Variants in EXOC2 observed in about 807,000 individuals in gnomAD.
EXOC2 encodes SEC5-like 1.
In EXOC2, 70 loss-of-function variants were observed where a neutral mutation model predicts 131.8. The observed-to-expected ratio is 0.53, with a 90% confidence interval of 0.44 to 0.65. EXOC2 has a LOEUF of 0.65. Among genes scored for constraint, EXOC2 ranks in the 30% least tolerant of loss-of-function variants. The pLI, the probability that EXOC2 is intolerant of heterozygous loss-of-function variation, is 0.00. For synonymous variants in EXOC2, 411 were observed against 398.4 expected, an observed-to-expected ratio of 1.03 and a Z score of -0.38; for missense variants, 923 against 1,108.6, an observed-to-expected ratio of 0.83 and a Z score of 2.38.
chr6:633,935 C>G (rs1025839070), intron 2 of EXOC2, among the ~76,000 whole-genome samples: 3 of 152,162 alleles, frequency 2.0e-5, no homozygotes, highest in African/African-American at 7.2e-5. Context: ...CAGCATGGCA[C>G]CACACTGGTC....
chr6:529,028 G>C (rs1225388192), intron 23 of EXOC2, among the ~76,000 whole-genome samples: 1 of 152,284 alleles, frequency 6.6e-6, no homozygotes, highest in Non-Finnish European at 1.5e-5. Context: ...GATAAATCCA[G>C]TGAGGACTTT....
intron 23 of EXOC2, among the ~76,000 whole-genome samples, chr6:522,633 A>G (rs914890743): frequency 4.7e-5 from 7 of 149,876 alleles, no homozygotes; most frequent in African/African-American, 1.7e-4. Context: ...TGGTGCAGCA[A>G]GGTGTCTCCA....
At chr6:682,168 T>C (rs1352109232) in intron 1 of EXOC2, among the ~76,000 whole-genome samples, 4 of 151,558 alleles carry the variant, frequency 2.6e-5, no homozygotes, top group Non-Finnish European at 5.9e-5. Context: ...CCTTGACCAT[T>C]CCGCAGTTCC....
chr6:512,890 C>T (rs891473548), intron 23 of EXOC2, among the ~76,000 whole-genome samples: 3 of 152,150 alleles, frequency 2.0e-5, no homozygotes, highest in African/African-American at 4.8e-5. Flanking sequence ...TATGTGAAAG[C>T]AGTAAGTAAA....
Position 619,525 on chromosome 6 carries a change from C to T in EXOC2, c.441G>A (p.Lys147=). Residue 147 remains lysine, a synonymous_variant, in exon 5 of 28, where the codon AAG becomes AAA. Coordinates refer to ENST00000230449, the MANE Select transcript of EXOC2 (RefSeq NM_018303.6). ...TTCCATGGAATAGCATTTCTAAGTC[C>T]TTCTGCGAAAATTTACTTCTGAGGG... is the stretch of plus-strand genomic sequence containing the variant. ...IEIEKSKFSQ[K]DLEMLFHGMS... is the part of the protein sequence containing the mutation. 1.2e-6 allele frequency: 2 copies of T among 1,613,660 alleles called. No individual in the cohort carries two copies. Among genetic ancestry groups the T allele is most frequent in the South Asian group, 1.1e-5 (1 of 91,012 alleles).
chr6:574,138 A>G (rs1252304665), intron 12 of EXOC2, among the ~76,000 whole-genome samples: 1 of 152,218 alleles, frequency 6.6e-6, no homozygotes, highest in African/African-American at 2.4e-5. Context: ...TCCAATGGAC[A>G]AGACTGTCTT....
intron 6 of EXOC2, among the ~76,000 whole-genome samples, chr6:615,182 GGTGTGTGTGT>G (rs201428433): frequency 5.0e-5 from 6 of 121,032 alleles, no homozygotes; most frequent in Non-Finnish European, 9.9e-5. Flanking sequence ...TGTGGGTGTG[GGTGTGTGTGT>G]GTGTGTGTGT....
chr6:641,879 C>CAG (rs34436512), intron 1 of EXOC2, among the ~76,000 whole-genome samples: 107,488 of 151,798 alleles, frequency 0.71, 38,689 homozygotes, highest in Middle Eastern at 0.88. Flanking sequence ...CAGCAAATGC[C>CAG]AGTTAGTTCT....
chr6:665,447 G>A lies in EXOC2; in HGVS notation c.-44+27572C>T, dbSNP rs1000184071. Among the ~76,000 whole-genome samples the A allele has an allele frequency of 4.6e-5, 7 of 152,154 alleles. No homozygotes were observed. The East Asian group carries it at 1.3e-3, about 29-fold the overall frequency. On this transcript the variant is annotated intron_variant, in intron 1 of 27. Transcript: ENST00000230449. ...CCCACTACTGGGTATCTACCCAGAA[G>A]AAAATAACTGAATATTCAAAAAAGA...
chr6:603,250 T>C lies in EXOC2; in HGVS notation c.743-4025A>G, dbSNP rs146915861. On this transcript the variant is annotated intron_variant, in intron 7 of 27. Coordinates refer to ENST00000230449, the MANE Select transcript of EXOC2 (RefSeq NM_018303.6). ...TTGAATGAGATTAGGAAGTGAAACATTAGGGTGCCTGGAATATCAGAGTAA... is the reference window on the plus strand; with the variant it reads ...TTGAATGAGATTAGGAAGTGAAACACTAGGGTGCCTGGAATATCAGAGTAA... Among the ~76,000 whole-genome samples, 1,263 of 152,244 alleles carry C rather than the reference T, an allele frequency of 8.3e-3. 22 individuals are homozygous for C. The highest frequency in any genetic ancestry group is 0.029 in the African/African-American group (1,196 of 41,534).
chr6:491,218 G>C, intron 25 of EXOC2, 32 bp from the exon 26 acceptor site: 1 of 1,608,898 alleles, frequency 6.2e-7, no homozygotes, highest in Non-Finnish European at 8.5e-7. Context: ...AGTGACAACA[G>C]GAAAATTTAT....
At chr6:612,294 G>A (rs911189058) in intron 6 of EXOC2, among the ~76,000 whole-genome samples, 3 of 152,086 alleles carry the variant, frequency 2.0e-5, no homozygotes, top group African/African-American at 4.8e-5. Flanking sequence ...CTTAGCTCCC[G>A]GCCTGTACAA....
At chr6:669,261 A>G (rs1763755602) in intron 1 of EXOC2, 1 of 152,334 alleles carries the variant, frequency 6.6e-6, no homozygotes, top group African/African-American at 2.4e-5. Context: ...GGATGAAGAT[A>G]AGGAACCTCC....
chr6:657,542 T>A (rs1763191421), intron 1 of EXOC2, among the ~76,000 whole-genome samples: 1 of 152,232 alleles, frequency 6.6e-6, no homozygotes, highest in Non-Finnish European at 1.5e-5. Context: ...TCCAATTTTT[T>A]GCTATTATGA....
intron 1 of EXOC2, among the ~76,000 whole-genome samples, chr6:675,873 C>T (rs28750197): frequency 8.2e-3 from 256 of 31,080 alleles, no homozygotes; most frequent in East Asian, 0.033. Flanking sequence ...GACTGCGGTT[C>T]CCCATACTCT....
chr6:634,082 T>C (rs1761985407), intron 2 of EXOC2, among the ~76,000 whole-genome samples: 1 of 135,886 alleles, frequency 7.4e-6, no homozygotes, highest in Non-Finnish European at 1.6e-5. Flanking sequence ...TTTTTTTTTT[T>C]TGAGACAGGG....
intron 1 of EXOC2, chr6:656,674 C>T: frequency 1.2e-6 from 2 of 1,606,684 alleles, no homozygotes; most frequent in Non-Finnish European, 1.7e-6. Context: ...GCGCTTCTCG[C>T]CGCCCGGGAC....
At chr6:531,391 G>GAAAGAGTGTGCACAGA (rs1766070397) in intron 23 of EXOC2, among the ~76,000 whole-genome samples, 11 of 130,768 alleles carry the variant, frequency 8.4e-5, no homozygotes, top group Admixed American at 8.3e-4. Flanking sequence ...TTTGGGCACA[G>GAAAGAGTGTGCACAGA]AAAGTGTGTG....
intron 25 of EXOC2, among the ~76,000 whole-genome samples, chr6:492,337 C>A (rs1763482774): frequency 6.6e-6 from 1 of 152,186 alleles, no homozygotes; most frequent in Non-Finnish European, 1.5e-5. Flanking sequence ...CTTTGGAGAA[C>A]CGTCTGGCAG....
Sources: allele counts gnomAD v4.1 joint callset (sites outside exome capture counted in the v4.1 genomes callset), GRCh38; gene constraint gnomAD v4.1.1; transcripts MANE v1.5; gene names NCBI Gene and HGNC (gene_info 2026-07-23, HGNC 2026-07-21).